The following SRCIN1 variants were observed in gnomAD, a reference collection of about 807,000 sequenced individuals.
SRCIN1 encodes the protein SRC kinase signaling inhibitor 1.
A neutral mutation model predicts 116.2 loss-of-function variants in SRCIN1; 50 were observed. The ratio of observed to expected loss-of-function variants is 0.43; its 90% CI spans 0.34 to 0.54. The LOEUF (loss-of-function observed/expected upper bound fraction) is 0.54, where lower values mean the gene tolerates loss of function less well. Among genes scored for constraint, SRCIN1 ranks in the 20% least tolerant of loss-of-function variants. The pLI is 0.02. For synonymous variants in SRCIN1, 736 were observed against 750.0 expected (o/e 0.98, Z 0.30); for missense variants, 1,446 against 1,672.0 (o/e 0.86, Z 2.36).
chr17:38,556,704 C>T (rs1433074433), intron 11 of SRCIN1, among the ~76,000 whole-genome samples: 2 of 152,180 alleles, frequency 1.3e-5, no homozygotes, highest in Non-Finnish European at 2.9e-5. Context: ...ATGGAGAATC[C>T]TGCCAGAAAC....
intron 3 of SRCIN1, among the ~76,000 whole-genome samples, chr17:38,566,296 T>C (rs992797774): frequency 2.0e-5 from 3 of 152,166 alleles, no homozygotes; most frequent in Non-Finnish European, 4.4e-5. Flanking sequence ...CCACGTTCCC[T>C]GCTCCACCAC....
intron 1 of SRCIN1, among the ~76,000 whole-genome samples, chr17:38,589,635 C>T (rs1472169357): frequency 6.6e-6 from 1 of 152,214 alleles, no homozygotes; most frequent in Admixed American, 6.5e-5. Flanking sequence ...ACCTGGTTGC[C>T]TCCAGCCCTC....
chr17:38,552,388 T>C lies in SRCIN1; in HGVS notation c.2480+59A>G. ...GTTGGGGTAAGGGTTCAGTATGACC[T>C]ATGGGTCTGGGCCCGGTGTGTGAAC... On this transcript the variant is annotated intron_variant, in intron 13 of 18. Transcript: ENST00000617146. This position sits in a 1 kb window ranked among gnomAD's most constrained non-coding sequence, Gnocchi z 5.3. 3.2e-6 allele frequency: 5 copies of C among 1,547,066 alleles called. No individual in the cohort carries two copies. In the South Asian group the frequency reaches 4.8e-5, roughly 15 times the overall value.
At chr17:38,564,550 C>A (rs574417911) in intron 3 of SRCIN1, among the ~76,000 whole-genome samples, 2 of 152,186 alleles carry the variant, frequency 1.3e-5, no homozygotes, top group South Asian at 4.1e-4. Flanking sequence ...AGGACCCAGG[C>A]ACCCTGGGAA....
Position 38,558,149 on chromosome 17 carries a change from GCGCC to G in SRCIN1, c.2201+74_2201+77del. 1 of 1,525,182 alleles carries G rather than the reference GCGCC, an allele frequency of 6.6e-7. No homozygotes were observed. The highest frequency in any genetic ancestry group is 1.4e-5 in the African/African-American group (1 of 73,132). 94.5% of individuals were successfully genotyped at this position (1,525,182 alleles called of 1,614,324 possible). On this transcript the variant is annotated intron_variant, in intron 11 of 18. Transcript: ENST00000617146. The surrounding 1 kb of genome is among the most constrained non-coding windows in gnomAD (Gnocchi z 4.6). ...CCTGTGACTCAGAGGGAAGGGAGCT[GCGCC>G]TCCCAGGGAAACCAGGTTGCGGGTC...
At chr17:38,540,020 C>CAAAAA (rs71138631) in intron 18 of SRCIN1, among the ~76,000 whole-genome samples, 1 of 60,978 alleles carries the variant, frequency 1.6e-5, no homozygotes, top group Non-Finnish European at 3.4e-5. Context: ...GACTCCATCT[C>CAAAAA]AAAAAAAAAA....
At chr17:38,543,691 G>T in intron 18 of SRCIN1, 132 bp downstream of exon 18, 1 of 1,337,646 alleles carries the variant, frequency 7.5e-7, no homozygotes, top group Non-Finnish European at 1.0e-6. Flanking sequence ...GGGCAGTCCT[G>T]GCAGGGAAGG....
At chr17:38,550,764 A>C (rs1052115760) in intron 15 of SRCIN1, among the ~76,000 whole-genome samples, 4 of 152,072 alleles carry the variant, frequency 2.6e-5, no homozygotes, top group Non-Finnish European at 5.9e-5. Flanking sequence ...GATTTCTGCC[A>C]CTCCCGGGAC....
intron 18 of SRCIN1, among the ~76,000 whole-genome samples, chr17:38,538,366 A>G (rs1904519194): frequency 6.8e-6 from 1 of 147,264 alleles, no homozygotes; most frequent in Admixed American, 6.7e-5. Flanking sequence ...GCAGTGAGCC[A>G]AAGTTGCGCC....
intron 18 of SRCIN1, among the ~76,000 whole-genome samples, chr17:38,540,316 C>A (rs939272323): frequency 1.3e-5 from 2 of 152,318 alleles, no homozygotes; most frequent in African/African-American, 4.8e-5. Flanking sequence ...TGTCCCTGAT[C>A]CCAGCACTTC....
In SRCIN1 at chr17:38,533,044, GT is replaced by G. The variant is rs1174464302; in HGVS notation, c.*252del. The stretch of plus-strand genomic sequence containing the variant: ...CAGCTGGGATCAAGGAAGGTGGTGT[GT>G]TTGGTTTTTAGTTTTACTGTTTAAA... On this transcript the variant is annotated 3_prime_UTR_variant, in exon 19 of 19. Coordinates refer to ENST00000617146, the MANE Select transcript of SRCIN1 (RefSeq NM_025248.3). 6 of 315,152 alleles carry G rather than the reference GT, an allele frequency of 1.9e-5. No homozygotes were observed. The highest frequency in any genetic ancestry group is 2.8e-5 in the Non-Finnish European group (5 of 179,434). The allele number at this position is 315,152 out of a possible 1,614,324, so 19.5% of individuals were successfully genotyped here. A position where few individuals can be genotyped will look rare whatever the true frequency, so the allele number is the denominator to read the frequency against.
chr17:38,549,391 C>T (rs12935909), intron 15 of SRCIN1, among the ~76,000 whole-genome samples, 181 bp from the exon 16 acceptor site: 5,067 of 152,152 alleles, frequency 0.033, 259 homozygotes, highest in African/African-American at 0.12. Flanking sequence ...GCACACAAGC[C>T]CCAAGCCCTG....
chr17:38,581,523 A>C (rs1907820679), intron 1 of SRCIN1, among the ~76,000 whole-genome samples: 1 of 150,334 alleles, frequency 6.7e-6, no homozygotes, highest in Non-Finnish European at 1.5e-5. Flanking sequence ...AGCCCCAATT[A>C]GAAGGTCAAA....
chr17:38,577,392 A>C (rs1457530834), intron 2 of SRCIN1, among the ~76,000 whole-genome samples: 3 of 152,212 alleles, frequency 2.0e-5, no homozygotes, highest in Non-Finnish European at 4.4e-5. Flanking sequence ...AGCTGGGAAA[A>C]GGCAAAAGCC....
At chr17:38,549,939 C>T (rs574067096) in intron 15 of SRCIN1, among the ~76,000 whole-genome samples, 1 of 152,352 alleles carries the variant, frequency 6.6e-6, no homozygotes, top group East Asian at 1.9e-4. Flanking sequence ...CCCGCTCTCA[C>T]TAGCTAGGGA....
intron 3 of SRCIN1, among the ~76,000 whole-genome samples, chr17:38,565,039 TC>T (rs1180064887): frequency 5.3e-5 from 8 of 151,588 alleles, no homozygotes; most frequent in Non-Finnish European, 7.4e-5. Context: ...CCAGCCAGCC[TC>T]CCCCAGGAGC....
intron 3 of SRCIN1, among the ~76,000 whole-genome samples, chr17:38,566,864 C>CCTT (rs1906722781): frequency 2.3e-5 from 1 of 43,542 alleles, no homozygotes; most frequent in African/African-American, 8.9e-5. Context: ...TGTTTTGTTT[C>CCTT]GTTTCCTTCC....
At position 38,552,051 on chromosome 17, in the gene SRCIN1, G is replaced by A. The variant is rs774856164; in HGVS notation, c.2562C>T (p.Phe854=). Residue 854 remains phenylalanine (F), a synonymous_variant, in exon 14 of 19, where the codon TTC becomes TTT. Coordinates refer to ENST00000617146, the MANE Select transcript of SRCIN1 (RefSeq NM_025248.3). This position sits in a 1 kb window ranked among gnomAD's most constrained non-coding sequence, Gnocchi z 5.3. ...GCATTTCGAAGTCCACGCTCTTGTT[G>A]AAGTCAGTCTCTGCCGTCACCTTCT... ...SPKKVTAETD[F]NKSVDFEMPP... is the part of the protein sequence containing the mutation. 10 of 1,613,820 alleles carry A rather than the reference G, an allele frequency of 6.2e-6. No individual in the cohort carries two copies. In the South Asian group the frequency reaches 1.1e-4, roughly 18 times the overall value.
At chr17:38,592,526 A>C (rs1908497579) in intron 1 of SRCIN1, among the ~76,000 whole-genome samples, 2 of 152,244 alleles carry the variant, frequency 1.3e-5, no homozygotes, top group African/African-American at 2.4e-5. Context: ...GCCAAGGCTC[A>C]AATCTCACCT....
Sources: gnomAD v4.1 joint callset for allele counts (sites outside exome capture counted in the v4.1 genomes callset) on GRCh38, gnomAD v4.1.1 for gene constraint, Gnocchi (gnomAD v3.1) non-coding constraint, MANE v1.5 for transcripts, NCBI Gene and HGNC (gene_info 2026-07-23, HGNC 2026-07-21) for gene names.